Variants in SHPRH observed in about 807,000 individuals in gnomAD.
SHPRH encodes the protein E3 ubiquitin-protein ligase SHPRH.
In SHPRH, 106 loss-of-function variants were observed where a neutral mutation model predicts 202.5. The observed-to-expected ratio is 0.52, with a 90% CI of 0.45 to 0.62. The LOEUF (loss-of-function observed/expected upper bound fraction) is 0.62. SHPRH is among the 20% of genes least tolerant of loss of function. The probability of loss-of-function intolerance (pLI) is 0.00; values close to 1 mark genes in which losing one functional copy is unlikely to be tolerated. For missense variants in SHPRH, 1,710 were observed against 2,020.0 expected, an observed-to-expected ratio of 0.85 and a Z score of 2.94; for synonymous variants, 729 against 686.0, an observed-to-expected ratio of 1.06 and a Z score of -0.98.
At chr6:145,867,633 GAGA>G (rs1779856775) in intron 2 of SHPRH, among the ~76,000 whole-genome samples, 1 of 30,276 alleles carries the variant, frequency 3.3e-5, no homozygotes, top group African/African-American at 1.6e-4. Flanking sequence ...TATATATATA[GAGA>G]GAGAGAGAGA....
intron 11 of SHPRH, among the ~76,000 whole-genome samples, chr6:145,937,126 G>A (rs1298299463): frequency 6.6e-6 from 1 of 151,850 alleles, no homozygotes; most frequent in Admixed American, 6.6e-5. Context: ...TGGGATTACA[G>A]GCGTCTGCCA....
At chr6:145,929,156 C>T (rs1233457406) in intron 14 of SHPRH, among the ~76,000 whole-genome samples, 1 of 151,572 alleles carries the variant, frequency 6.6e-6, no homozygotes, top group Non-Finnish European at 1.5e-5. Flanking sequence ...GACATGCTTT[C>T]TGAGGAAGAT....
At chr6:145,890,443 C>T (rs1019366038) in intron 28 of SHPRH, among the ~76,000 whole-genome samples, 2 of 152,160 alleles carry the variant, frequency 1.3e-5, no homozygotes, top group African/African-American at 4.8e-5. Flanking sequence ...TTTTTCATAG[C>T]ACTTGAAACA....
chr6:145,910,336 T>C (rs1254999130), intron 25 of SHPRH, 112 bp downstream of exon 25: 6 of 1,203,650 alleles, frequency 5.0e-6, no homozygotes, highest in East Asian at 2.4e-5. Flanking sequence ...AACAGTGGCG[T>C]CTACCTATTC....
chr6:145,950,189 A>C (rs1787830752), intron 4 of SHPRH, 75 bp downstream of exon 4: 1 of 1,257,382 alleles, frequency 8.0e-7, no homozygotes, highest in African/African-American at 1.5e-5. Flanking sequence ...TTAATGATCA[A>C]TTTCACCCTG....
chr6:145,942,177 A>G (rs1786855488), intron 9 of SHPRH, among the ~76,000 whole-genome samples: 1 of 152,220 alleles, frequency 6.6e-6, no homozygotes, highest in Admixed American at 6.5e-5. Context: ...AAAGGTTCTC[A>G]TAGGTGGCAA....
intron 25 of SHPRH, chr6:145,903,637 T>A (rs1359683265): frequency 6.6e-6 from 1 of 152,020 alleles, no homozygotes; most frequent in Non-Finnish European, 1.5e-5. Context: ...TTGTGTAGCA[T>A]GTGGTGGGTG....
intron 1 of SHPRH, among the ~76,000 whole-genome samples, chr6:145,961,997 T>C (rs1789135377): frequency 6.6e-6 from 1 of 152,244 alleles, no homozygotes; most frequent in African/African-American, 2.4e-5. Flanking sequence ...CTTCTGGTTT[T>C]ATTCATACCT....
At chr6:145,959,038 T>C (rs1219302690) in intron 1 of SHPRH, among the ~76,000 whole-genome samples, 1 of 152,070 alleles carries the variant, frequency 6.6e-6, no homozygotes, top group Non-Finnish European at 1.5e-5. Context: ...GGGTTTCATG[T>C]GTTAGCCAGG....
intron 25 of SHPRH, chr6:145,907,254 C>T (rs1321932522): frequency 3.9e-5 from 6 of 152,058 alleles, no homozygotes; most frequent in Non-Finnish European, 8.8e-5. Flanking sequence ...ACTAATGCTG[C>T]CAACATTCTC....
intron 3 of SHPRH, 131 bp downstream of exon 3, chr6:145,952,218 T>G: frequency 1.3e-6 from 1 of 789,802 alleles, no homozygotes; most frequent in Admixed American, 3.2e-5. Flanking sequence ...ATAAGTATAA[T>G]TTGCCATATA....
chr6:145,886,041 C>T lies in SHPRH; in HGVS notation c.*650G>A, dbSNP rs1256545109. ...ATCTATTTGGAGTTAACTGTTTACA[C>T]TAACACCACTTTACACATAATAGAA... On this transcript the variant is annotated 3_prime_UTR_variant, in exon 30 of 30. Coordinates refer to ENST00000275233, the MANE Select transcript of SHPRH (RefSeq NM_001042683.3). 1 of 155,828 alleles carries T rather than the reference C, an allele frequency of 6.4e-6. No individual in the cohort carries two copies. The highest frequency in any genetic ancestry group is 6.4e-5 in the Admixed American group (1 of 15,634). 9.7% of individuals were successfully genotyped at this position (155,828 alleles called of 1,614,324 possible). A position where few individuals can be genotyped will look rare whatever the true frequency, so the allele number is the denominator to read the frequency against.
chr6:145,954,009 A>C (rs1788236917), intron 2 of SHPRH, among the ~76,000 whole-genome samples: 1 of 151,740 alleles, frequency 6.6e-6, no homozygotes, highest in South Asian at 2.1e-4. Flanking sequence ...AAAAAAAAAA[A>C]TCTACCAGAG....
intron 18 of SHPRH, 135 bp downstream of exon 18, chr6:145,923,508 A>G (rs1784606004): frequency 9.2e-7 from 1 of 1,086,500 alleles, no homozygotes; most frequent in African/African-American, 1.6e-5. Flanking sequence ...GCAAAAAAGA[A>G]GTATGAATGT....
At position 145,943,750 on chromosome 6, in the gene SHPRH, T is replaced by C; in HGVS notation, c.1631A>G (p.Lys544Arg). ...TGGCAAGTATTCAGAATCTGTGTCC[T>C]TGTTCCCTGATTTTCTAGTTTCTTT... ...IQKETRKSGN[K>R]DTDSEYLPSD... The change falls in exon 9 of 30, where the codon AAG becomes AGG. Residue 544 changes from lysine (K) to arginine (R), a missense_variant. Lys to Arg is a conservative substitution (Grantham distance 26). This residue lies in a region of SHPRH where 348 missense variants were observed against 356.9 expected (regional missense o/e 0.97). Coordinates refer to ENST00000275233, the MANE Select transcript of SHPRH (RefSeq NM_001042683.3). 4 of 1,599,164 alleles carry C rather than the reference T, an allele frequency of 2.5e-6. No homozygotes were observed. The highest frequency in any genetic ancestry group is 3.4e-6 in the Non-Finnish European group (4 of 1,176,076).
At chr6:145,906,442 A>G (rs1346911593) in intron 25 of SHPRH, 1 of 152,054 alleles carries the variant, frequency 6.6e-6, no homozygotes, top group Non-Finnish European at 1.5e-5. Flanking sequence ...AAGAACACCT[A>G]TGCTTATATC....
chr6:145,882,492 A>G (rs1371599000), downstream of SHPRH, among the ~76,000 whole-genome samples: 2 of 152,220 alleles, frequency 1.3e-5, no homozygotes, highest in Non-Finnish European at 2.9e-5. Context: ...TTAATAGCGG[A>G]TTCACTTATA....
At chr6:145,927,344 G>T in intron 14 of SHPRH, 67 bp from the exon 15 acceptor site, 1 of 1,340,870 alleles carries the variant, frequency 7.5e-7, no homozygotes, top group Non-Finnish European at 1.0e-6. Flanking sequence ...TCATCTAGTT[G>T]TCCATTATTT....
At chr6:145,895,435 T>C (rs1398091748) in intron 25 of SHPRH, among the ~76,000 whole-genome samples, 1 of 152,040 alleles carries the variant, frequency 6.6e-6, no homozygotes, top group African/African-American at 2.4e-5. Context: ...CAATGGAGAA[T>C]GTTTTCTTGC....
Sources: gnomAD v4.1 joint callset for allele counts (sites outside exome capture counted in the v4.1 genomes callset) on GRCh38, gnomAD v4.1.1 for gene constraint, gnomAD v4.1.1 regional missense constraint, MANE v1.5 for transcripts, NCBI Gene and HGNC (gene_info 2026-07-23, HGNC 2026-07-21) for gene names.